The following FRMD4A variants were observed in gnomAD, a reference collection of about 807,000 sequenced individuals.
The protein encoded by FRMD4A is FERM domain containing 4A, also known as FERM domain-containing protein 4A.
A neutral mutation model predicts 129.1 loss-of-function variants in FRMD4A; 29 were observed. The ratio of observed to expected loss-of-function variants is 0.22; its 90% CI spans 0.17 to 0.31. The LOEUF (loss-of-function observed/expected upper bound fraction) is 0.31. Ranked by LOEUF, FRMD4A falls within the 10% of genes least tolerant of loss-of-function variation. FRMD4A has a pLI of 1.00. For missense variants in FRMD4A, 1,272 were observed against 1,375.8 expected, an observed-to-expected ratio of 0.92 and a Z score of 1.19; for synonymous variants, 634 against 571.6, an observed-to-expected ratio of 1.11 and a Z score of -1.56.
At chr10:13,912,955 C>G (rs2094959186) in intron 2 of FRMD4A, among the ~76,000 whole-genome samples, 2 of 151,586 alleles carry the variant, frequency 1.3e-5, no homozygotes, top group Non-Finnish European at 2.9e-5. Context: ...TGCCTGTAAT[C>G]CTAGCTACTC....
At chr10:14,308,225 G>A (rs1846416776) in intron 2 of FRMD4A, among the ~76,000 whole-genome samples, 1 of 152,198 alleles carries the variant, frequency 6.6e-6, no homozygotes, top group South Asian at 2.1e-4. Context: ...GATACCAACT[G>A]TAAACTCGTG....
chr10:13,810,090 A>C (rs2093420491), intron 4 of FRMD4A, among the ~76,000 whole-genome samples: 1 of 152,212 alleles, frequency 6.6e-6, no homozygotes, highest in African/African-American at 2.4e-5. Context: ...AGAGAGAGAG[A>C]GAGAGTCTGT....
chr10:13,764,635 C>T (rs1386003443), intron 6 of FRMD4A, among the ~76,000 whole-genome samples: 1 of 152,188 alleles, frequency 6.6e-6, no homozygotes, highest in African/African-American at 2.4e-5. Context: ...ATACATAGCT[C>T]ACATGTTAAA....
chr10:14,227,038 G>T (rs1382825856), intron 2 of FRMD4A, among the ~76,000 whole-genome samples: 1 of 151,984 alleles, frequency 6.6e-6, no homozygotes, highest in Non-Finnish European at 1.5e-5. Context: ...CACACACCCA[G>T]CCTCATGGCT....
intron 2 of FRMD4A, among the ~76,000 whole-genome samples, chr10:14,320,660 T>C (rs1220477846): frequency 6.6e-6 from 1 of 152,228 alleles, no homozygotes; most frequent in Non-Finnish European, 1.5e-5. Context: ...GACCTAAGCA[T>C]TTTCAGTACT....
At chr10:14,076,727 A>T (rs7083542) in intron 2 of FRMD4A, among the ~76,000 whole-genome samples, 30,764 of 152,116 alleles carry the variant, frequency 0.2, 3,878 homozygotes, top group East Asian at 0.39. Flanking sequence ...ACATCCAGGC[A>T]TTTCCCTTTT....
At chr10:13,652,231 T>G in intron 23 of FRMD4A, 1 of 528,276 alleles carries the variant, frequency 1.9e-6, no homozygotes, top group Non-Finnish European at 3.4e-6. Flanking sequence ...AGCAAACAGT[T>G]TATGCCAAGA....
chr10:13,880,781 C>T (rs774411890), intron 2 of FRMD4A, among the ~76,000 whole-genome samples: 3 of 152,100 alleles, frequency 2.0e-5, no homozygotes, highest in East Asian at 1.9e-4. Flanking sequence ...TCACCTTTCC[C>T]GAGGTCTACA....
intron 4 of FRMD4A, among the ~76,000 whole-genome samples, chr10:13,799,270 G>A (rs140410112): frequency 4.5e-4 from 69 of 152,332 alleles, no homozygotes; most frequent in Middle Eastern, 6.8e-3. Flanking sequence ...TAATTCTCCT[G>A]CCTCAGCCTC....
intron 14 of FRMD4A, among the ~76,000 whole-genome samples, chr10:13,697,690 C>G (rs1487134133): frequency 6.6e-6 from 1 of 152,010 alleles, no homozygotes; most frequent in African/African-American, 2.4e-5. Context: ...CCCTTTGACT[C>G]TGCCTTTGAC....
At chr10:14,056,730 C>G (rs536680128) in intron 2 of FRMD4A, among the ~76,000 whole-genome samples, 2 of 152,188 alleles carry the variant, frequency 1.3e-5, no homozygotes, top group Non-Finnish European at 2.9e-5. Context: ...AGACCTCTCA[C>G]CATCTGCCGC....
chr10:14,115,428 C>T (rs1407039291), intron 2 of FRMD4A, among the ~76,000 whole-genome samples: 2 of 152,184 alleles, frequency 1.3e-5, no homozygotes, highest in African/African-American at 4.8e-5. Context: ...TATGACTAGT[C>T]TTAGAGTCTT....
intron 2 of FRMD4A, among the ~76,000 whole-genome samples, chr10:14,047,273 G>A (rs1834029152): frequency 6.6e-6 from 1 of 152,166 alleles, no homozygotes; most frequent in Non-Finnish European, 1.5e-5. Context: ...AAGGTTACGT[G>A]GGTGTGATAT....
At chr10:13,799,207 G>A (rs945878234) in intron 4 of FRMD4A, among the ~76,000 whole-genome samples, 1 of 152,216 alleles carries the variant, frequency 6.6e-6, no homozygotes, top group Non-Finnish European at 1.5e-5. Context: ...GCCCAGGCTG[G>A]AGTGCAGTGG....
intron 2 of FRMD4A, among the ~76,000 whole-genome samples, chr10:14,312,782 C>T (rs1846598835): frequency 6.6e-6 from 1 of 152,146 alleles, no homozygotes; most frequent in Admixed American, 6.5e-5. Context: ...GGAAGGATCA[C>T]CTGAGCCTGA....
intron 2 of FRMD4A, among the ~76,000 whole-genome samples, chr10:13,861,123 C>A (rs1287387967): frequency 6.6e-6 from 1 of 152,198 alleles, no homozygotes; most frequent in Non-Finnish European, 1.5e-5. Context: ...CAGTGGCCAG[C>A]CACCCTGCGT....
At chr10:13,663,059 G>T (rs1024826807) in intron 19 of FRMD4A, among the ~76,000 whole-genome samples, 1 of 151,772 alleles carries the variant, frequency 6.6e-6, no homozygotes, top group African/African-American at 2.4e-5. Context: ...CAGGTGTGGT[G>T]GCATGCTGTA....
chr10:14,040,815 C>T (rs1263855098), intron 2 of FRMD4A, among the ~76,000 whole-genome samples: 1 of 152,164 alleles, frequency 6.6e-6, no homozygotes, highest in Non-Finnish European at 1.5e-5. Flanking sequence ...GCAGTGGATA[C>T]AGTGGTTTTG....
At chr10:13,739,543 C>T (rs1588502403) in intron 11 of FRMD4A, among the ~76,000 whole-genome samples, 1 of 152,218 alleles carries the variant, frequency 6.6e-6, no homozygotes, top group African/African-American at 2.4e-5. Context: ...ACTCCTTTGG[C>T]ACTTTGAAAA....
Sources: gnomAD v4.1 joint callset for allele counts (sites outside exome capture counted in the v4.1 genomes callset) on GRCh38, gnomAD v4.1.1 for gene constraint, MANE v1.5 for transcripts, NCBI Gene and HGNC (gene_info 2026-07-23, HGNC 2026-07-21) for gene names.